The following CIROP variants were observed in gnomAD, a reference collection of about 807,000 sequenced individuals.
CIROP encodes the protein ciliated left-right organizer metallopeptidase.
chr14:23,103,180 G>A, the CIROP span: 1 of 426,496 alleles, frequency 2.3e-6, no homozygotes, highest in East Asian at 3.4e-5. Context: ...TCAAGGGATG[G>A]CTGTGGGTGG....
the CIROP span, chr14:23,103,397 A>G: frequency 2.6e-6 from 1 of 388,650 alleles, no homozygotes; most frequent in Non-Finnish European, 4.6e-6. Flanking sequence ...AAAAAAAAAT[A>G]CAAAAAATTA....
the CIROP span, chr14:23,103,291 G>A: frequency 2.2e-4 from 86 of 397,014 alleles, no homozygotes; most frequent in Middle Eastern, 6.4e-4. Flanking sequence ...GCTCACGCCT[G>A]TAATCCTGAT....
the CIROP span, chr14:23,103,961 C>T: frequency 8.5e-6 from 5 of 589,914 alleles, no homozygotes; most frequent in South Asian, 8.3e-5. Context: ...CCCCTTCACC[C>T]CCAGTCTCTG....
At chr14:23,103,378 C>T in the CIROP span, 11 of 382,834 alleles carry the variant, frequency 2.9e-5, no homozygotes, top group East Asian at 8.8e-5. Context: ...GACAAAACCC[C>T]GTCTCTACAA....
chr14:23,104,490 G>T, the CIROP span: 1 of 703,026 alleles, frequency 1.4e-6, no homozygotes, highest in Non-Finnish European at 2.6e-6. Flanking sequence ...TTGATAAGAA[G>T]TCAGTTTCTC....
At chr14:23,104,631 T>C in the CIROP span, 1 of 702,776 alleles carries the variant, frequency 1.4e-6, no homozygotes, top group South Asian at 1.5e-5. Context: ...CTGAGTGGCC[T>C]CTCTCACTGC....
chr14:23,103,410 C>T, the CIROP span: 213,995 of 385,184 alleles, frequency 0.56, 61,230 homozygotes, highest in Admixed American at 0.61. Context: ...AAAAATTAGC[C>T]GGACATGGTG....
At chr14:23,104,800 G>C in the CIROP span, 1 of 702,932 alleles carries the variant, frequency 1.4e-6, no homozygotes, top group Non-Finnish European at 2.6e-6. Context: ...GAGGGGAGTT[G>C]GGAGAAAGGG....
chr14:23,099,327 C>T, the CIROP span: 1 of 413,462 alleles, frequency 2.4e-6, no homozygotes, highest in East Asian at 3.6e-5. Context: ...TGCTGTGGAG[C>T]TCTGGTGAAT....
chr14:23,103,587 C>CAAAACAA, the CIROP span: 4 of 630,262 alleles, frequency 6.3e-6, no homozygotes, highest in Non-Finnish European at 1.1e-5. Flanking sequence ...CAAAACAAAA[C>CAAAACAA]AAAACTGCTT....
At chr14:23,099,248 C>G in the CIROP span, 8 of 413,298 alleles carry the variant, frequency 1.9e-5, no homozygotes, top group South Asian at 1.3e-4. Context: ...AGAAATTATT[C>G]TCTTCCTTAC....
chr14:23,102,888 A>G, the CIROP span: 11 of 608,942 alleles, frequency 1.8e-5, no homozygotes, highest in Non-Finnish European at 2.9e-5. Flanking sequence ...CTACCCTGCA[A>G]CCTGTTTGCT....
the CIROP span, chr14:23,100,681 C>T: frequency 2.5e-6 from 1 of 398,988 alleles, no homozygotes; most frequent in African/African-American, 2.1e-5. Flanking sequence ...GGAAATAGCA[C>T]CTAAATGGAC....
At chr14:23,104,893 GCAGCAGCAGCAGCA>G in the CIROP span, 6 of 606,982 alleles carry the variant, frequency 9.9e-6, no homozygotes, top group African/African-American at 3.4e-5. Context: ...GGCGGCAGCA[GCAGCAGCAGCAGCA>G]GCAGCAGCAG....
the CIROP span, chr14:23,100,740 G>A: frequency 2.5e-6 from 1 of 398,752 alleles, no homozygotes; most frequent in East Asian, 3.6e-5. Context: ...TATATCTCAT[G>A]AAACAGATGC....
the CIROP span, chr14:23,104,096 G>A: frequency 8.5e-6 from 5 of 587,978 alleles, no homozygotes; most frequent in Non-Finnish European, 1.5e-5. Context: ...CCCTGAGACT[G>A]AGAGGTGAGC....
the CIROP span, chr14:23,099,108 C>T: frequency 2.5e-6 from 1 of 406,876 alleles, no homozygotes; most frequent in Non-Finnish European, 4.5e-6. Context: ...AAGAATGGAT[C>T]TTTAGAACTG....
At chr14:23,099,164 A>G in the CIROP span, 180 of 411,974 alleles carry the variant, frequency 4.4e-4, no homozygotes, top group African/African-American at 3.1e-3. Flanking sequence ...AATATTGACA[A>G]CCGGGGAAAG....
chr14:23,101,994 G>A, the CIROP span: 51 of 700,862 alleles, frequency 7.3e-5, 2 homozygotes, highest in African/African-American at 4.2e-4. Context: ...TCACAGCTTC[G>A]ATTATACATC....
Sources: gnomAD v4.1 joint callset for allele counts on GRCh38, gnomAD v4.1.1 for gene constraint, MANE v1.5 for transcripts, NCBI Gene and HGNC (gene_info 2026-07-23, HGNC 2026-07-21) for gene names.